Variants in CTU2 observed in about 807,000 individuals in gnomAD.
The protein encoded by CTU2 is cytosolic thiouridylase subunit 2.
A neutral mutation model predicts 64.1 loss-of-function variants in CTU2; 80 were observed. That is an observed-to-expected ratio of 1.25 (90% confidence interval 1.04 to 1.50). The LOEUF is 1.50. Among genes scored for constraint, CTU2 ranks in the 40% most tolerant of loss-of-function variants. CTU2 has a pLI of 0.00. For missense variants in CTU2, 1,110 were observed against 690.2 expected (o/e 1.61, Z -6.81); for synonymous variants, 482 against 285.3 (o/e 1.69, Z -6.95).
Position 88,713,355 on chromosome 16 carries a change from A to G in CTU2, c.781A>G (p.Lys261Glu). 1 of 1,598,602 alleles carries G rather than the reference A, an allele frequency of 6.3e-7. No individual in the cohort carries two copies. The highest frequency in any genetic ancestry group is 8.5e-7 in the Non-Finnish European group (1 of 1,173,914). ...CATGGCCCGAGCCCACGGCTACTCC[A>G]AGGTCATGACTGGGGACAGCTGCAC... ...LHMARAHGYS[K>E]VMTGDSCTRL... Residue 261 changes from lysine to glutamate, a missense_variant, in exon 8 of 15, where the codon AAG (lysine) becomes GAG (glutamate). Coordinates refer to ENST00000453996, the MANE Select transcript of CTU2 (RefSeq NM_001012759.3).
At position 88,712,551 on chromosome 16, in the gene CTU2, A is replaced by C. The variant is rs1911417766; in HGVS notation, c.454-71A>C. 4 of 1,554,452 alleles carry C rather than the reference A, an allele frequency of 2.6e-6. No homozygotes were observed. In the Admixed American group the frequency reaches 7.4e-5, roughly 29 times the overall value. On this transcript the variant is annotated intron_variant, in intron 6 of 14. Coordinates refer to ENST00000453996, the MANE Select transcript of CTU2 (RefSeq NM_001012759.3). ...CTCACTGCCGTCTCCCGCATCCCGG[A>C]AGGTGGGGCTGTCTGTGGGGGGCAC...
chr16:88,707,920 C>A (rs958127443), intron 2 of CTU2, among the ~76,000 whole-genome samples: 1 of 152,092 alleles, frequency 6.6e-6, no homozygotes, highest in Non-Finnish European at 1.5e-5. Flanking sequence ...AAGTGATTCT[C>A]CTGCCTCAGC....
intron 1 of CTU2, 116 bp from the exon 2 acceptor site, chr16:88,707,020 G>A (rs1910911322): frequency 1.1e-6 from 1 of 933,090 alleles, no homozygotes. Flanking sequence ...GTGTACCGAG[G>A]TGCCTTTCTC....
At chr16:88,713,846 C>T (rs545171223) in intron 9 of CTU2, 68 bp downstream of exon 9, 15 of 1,593,404 alleles carry the variant, frequency 9.4e-6, no homozygotes, top group East Asian at 2.2e-5. Context: ...GGCTGGGCAG[C>T]CTCTCACAGG....
chr16:88,714,925 T>C lies in CTU2; in HGVS notation c.1418T>C (p.Leu473Ser). ...AGCTGCCGCGTGAACATGAAGGACT[T>C]GGTGAGTACGTGCCCACCTGTCCTG... Reference protein sequence around the residue: ...CYSCRVNMKDLPSLDPLPPYI... With the variant: ...CYSCRVNMKDSPSLDPLPPYI... Residue 473 changes from leucine to serine, a missense_variant and splice_region_variant, in exon 13 of 15, where the codon TTG becomes TCG. Transcript: ENST00000453996. 1.2e-6 allele frequency: 2 copies of C among 1,612,604 alleles called. No homozygotes were observed. Among genetic ancestry groups the C allele is most frequent in the Middle Eastern group, 1.7e-4 (1 of 6,058 alleles).
rs777512015 is a variant in CTU2, at chr16:88,714,730, T to C, written c.1345T>C (p.Cys449Arg). ...GGCCCAGCGCTGTGGCCAGGGGGCC[T>C]GCAGGAGGTGAGTCCCTGTCCCTGC... ...GWAQRCGQGA[C>R]RREDPQACIE... The change falls in exon 12 of 15, where the codon TGC becomes CGC. Residue 449 changes from cysteine to arginine, a missense_variant. Physicochemically the swap from Cys to Arg is radical, Grantham distance 180 (BLOSUM62 -3). Coordinates refer to ENST00000453996, the MANE Select transcript of CTU2 (RefSeq NM_001012759.3). 3.1e-6 allele frequency: 5 copies of C among 1,607,326 alleles called. No homozygotes were observed. In the East Asian group the frequency reaches 6.7e-5, roughly 22 times the overall value.
At chr16:88,710,198 C>T in intron 3 of CTU2, 25 bp from the exon 4 acceptor site, 1 of 1,613,828 alleles carries the variant, frequency 6.2e-7, no homozygotes, top group East Asian at 2.2e-5. Flanking sequence ...GTGCGGTGCC[C>T]TGAGTGATGT....
In CTU2 at chr16:88,712,876, T is replaced by G. The variant is rs1911459579; in HGVS notation, c.708T>G (p.Thr236=). ...TGTTCTGCTCAGTGAGGACACTGAC[T>G]GCCAAGGAGGAGCTTCTGCAGACCC... ...SQLFCSVRTL[T]AKEELLQTLR... is the part of the protein sequence containing the mutation. Residue 236 remains threonine, a synonymous_variant, in exon 7 of 15, where the codon ACT becomes ACG. Transcript: ENST00000453996. 6.5e-7 allele frequency: 1 copy of G among 1,538,552 alleles called. No individual in the cohort carries two copies. Among genetic ancestry groups the G allele is most frequent in the Non-Finnish European group, 8.7e-7 (1 of 1,143,412 alleles).
At position 88,710,285 on chromosome 16, in the gene CTU2, G is replaced by A. The variant is rs1410019094; in HGVS notation, c.282+3G>A. On this transcript the variant is annotated splice_donor_region_variant and intron_variant, in intron 4 of 14. Transcript: ENST00000453996. Reference sequence around the variant, plus strand: ...CCATGGTCTGGCAGGTTCTTGAGGTGCGTGTTCACCACCCCGTGGGCCCGG... The same window carrying A: ...CCATGGTCTGGCAGGTTCTTGAGGTACGTGTTCACCACCCCGTGGGCCCGG... 4 of 1,613,844 alleles carry A rather than the reference G, an allele frequency of 2.5e-6. No individual in the cohort carries two copies. The highest frequency in any genetic ancestry group is 3.4e-6 in the Non-Finnish European group (4 of 1,179,980).
At chr16:88,706,988 G>A (rs2340973) in intron 1 of CTU2, 148 bp from the exon 2 acceptor site, 662,853 of 736,122 alleles carry the variant, frequency 0.9, 298,829 homozygotes, top group Middle Eastern at 0.94. Context: ...AGTTTGGACA[G>A]AACACAAGCC....
chr16:88,709,750 C>T, intron 2 of CTU2, 188 bp from the exon 3 acceptor site: 1 of 611,484 alleles, frequency 1.6e-6, no homozygotes, highest in South Asian at 1.9e-5. Flanking sequence ...CTCGTGTTCA[C>T]CCTGAGGAAG....
rs140141033 is a variant in CTU2, at chr16:88,712,229, C to T, written c.344-45C>T. ...GAGGTGGCCCTGCAGCCTGCCCTGC[C>T]TGGCTCCTCTCTGAGCCCTGACTCT... On this transcript the variant is annotated intron_variant, in intron 5 of 14. Coordinates refer to ENST00000453996, the MANE Select transcript of CTU2 (RefSeq NM_001012759.3). 90 of 1,513,226 alleles carry T rather than the reference C, an allele frequency of 5.9e-5. No individual in the cohort carries two copies. The African/African-American group carries it at 1.1e-3, about 19-fold the overall frequency. 93.7% of individuals were successfully genotyped at this position (1,513,226 alleles called of 1,614,324 possible). A position where few individuals can be genotyped will look rare whatever the true frequency, so the allele number is the denominator to read the frequency against.
chr16:88,713,646 G>C lies in CTU2; in HGVS notation c.874-1G>C. ...GACCACACAGCCCCTGCCTCCCGCA[G>C]GGCTTCTCGGATGAGCGGCACGGGG... On this transcript the variant is annotated splice_acceptor_variant, in intron 8 of 14. Coordinates refer to ENST00000453996, the MANE Select transcript of CTU2 (RefSeq NM_001012759.3). LOFTEE classifies it high-confidence loss of function. 6.2e-7 allele frequency: 1 copy of C among 1,611,764 alleles called. No homozygotes were observed. Among genetic ancestry groups the C allele is most frequent in the Non-Finnish European group, 8.5e-7 (1 of 1,179,340 alleles).
chr16:88,712,198 CA>C, intron 5 of CTU2, 75 bp from the exon 6 acceptor site: 1 of 1,284,486 alleles, frequency 7.8e-7, no homozygotes, highest in South Asian at 1.3e-5. Context: ...AGGGTTTTCC[CA>C]GGTGGAGGTG....
intron 5 of CTU2, among the ~76,000 whole-genome samples, 197 bp downstream of exon 5, chr16:88,711,892 T>G (rs1445770592): frequency 6.6e-6 from 1 of 152,144 alleles, no homozygotes; most frequent in African/African-American, 2.4e-5. Context: ...CATCGTTAGG[T>G]GGCATCACTG....
Position 88,715,105 on chromosome 16 carries a change from A to C in CTU2, c.1477A>C (p.Arg493=). 6.3e-7 allele frequency: 1 copy of C among 1,588,646 alleles called. No individual in the cohort carries two copies. The highest frequency in any genetic ancestry group is 8.6e-7 in the Non-Finnish European group (1 of 1,166,912). The change falls in exon 14 of 15, where the codon AGG becomes CGG. Residue 493 remains arginine (R), a splice_region_variant and synonymous_variant. Coordinates refer to ENST00000453996, the MANE Select transcript of CTU2 (RefSeq NM_001012759.3). Reference sequence around the variant, plus strand: ...GGCTGAGGCCCAGCTCCGCACACAGAGGTACTGGGGCCCACACTGCCGTGG... The same window carrying C: ...GGCTGAGGCCCAGCTCCGCACACAGCGGTACTGGGGCCCACACTGCCGTGG... ...ILAEAQLRTQ[R]AWGLQEIRDC... is the part of the protein sequence containing the mutation.
At chr16:88,708,356 C>A (rs147998951) in intron 2 of CTU2, among the ~76,000 whole-genome samples, 1 of 152,280 alleles carries the variant, frequency 6.6e-6, no homozygotes, top group South Asian at 2.1e-4. Context: ...GTGGGAGAAA[C>A]CTTGGCCTTC....
chr16:88,714,779 C>G, intron 12 of CTU2, 42 bp downstream of exon 12: 1 of 1,605,622 alleles, frequency 6.2e-7, no homozygotes, highest in Non-Finnish European at 8.5e-7. Flanking sequence ...CTGCATGGGG[C>G]GGGAGGGGGA....
chr16:88,715,003 G>A (rs779183652), intron 13 of CTU2, 45 bp from the exon 14 acceptor site: 2 of 1,591,522 alleles, frequency 1.3e-6, no homozygotes, highest in South Asian at 1.1e-5. Flanking sequence ...GCTTGAGGGG[G>A]TGCTGGCAGG....
Sources: gnomAD v4.1 joint callset for allele counts (sites outside exome capture counted in the v4.1 genomes callset) on GRCh38, gnomAD v4.1.1 for gene constraint, MANE v1.5 for transcripts, NCBI Gene and HGNC (gene_info 2026-07-23, HGNC 2026-07-21) for gene names.